The following ZMAT4 variants were observed in gnomAD, a reference collection of about 807,000 sequenced individuals.
ZMAT4 encodes the protein zinc finger matrin-type 4.
Under a neutral mutation model 28.7 loss-of-function variants are expected in ZMAT4, and 17 were observed. The observed-to-expected ratio is 0.59, with a 90% CI of 0.41 to 0.89. The LOEUF is 0.89. Ranked by LOEUF, ZMAT4 falls within the 40% of genes least tolerant of loss-of-function variation. The pLI, the probability that ZMAT4 is intolerant of heterozygous loss-of-function variation, is 0.00. For missense variants in ZMAT4, 240 were observed against 283.8 expected, an observed-to-expected ratio of 0.85 and a Z score of 1.11; for synonymous variants, 117 against 109.2, an observed-to-expected ratio of 1.07 and a Z score of -0.44.
chr8:40,792,963 GCAGAGCACA>G (rs1363125952), intron 2 of ZMAT4, among the ~76,000 whole-genome samples: 3 of 151,840 alleles, frequency 2.0e-5, no homozygotes, highest in Non-Finnish European at 4.4e-5. Context: ...TGGTGAATAG[GCAGAGCACA>G]CAGGATTTTT....
intron 1 of ZMAT4, among the ~76,000 whole-genome samples, chr8:40,852,912 A>G (rs1817163742): frequency 6.6e-6 from 1 of 152,206 alleles, no homozygotes; most frequent in Non-Finnish European, 1.5e-5. Context: ...AAACTTTAAC[A>G]CAATTCTAAT....
chr8:40,837,638 T>G (rs781229804), intron 1 of ZMAT4, among the ~76,000 whole-genome samples: 14 of 152,198 alleles, frequency 9.2e-5, no homozygotes, highest in Non-Finnish European at 1.5e-4. Context: ...CTCTTGTCTC[T>G]CCAGCTCAGC....
intron 5 of ZMAT4, among the ~76,000 whole-genome samples, chr8:40,601,618 GAAA>G (rs1805355740): frequency 3.7e-5 from 1 of 26,828 alleles, no homozygotes; most frequent in Admixed American, 2.8e-4. Context: ...AAGAAAGAAA[GAAA>G]GAAAGAAAGA....
intron 6 of ZMAT4, among the ~76,000 whole-genome samples, chr8:40,540,605 G>A (rs80174014): frequency 0.035 from 5,289 of 152,122 alleles, 302 homozygotes; most frequent in African/African-American, 0.12. Flanking sequence ...TTCCTTCTAG[G>A]TATTAAACCT....
intron 3 of ZMAT4, among the ~76,000 whole-genome samples, chr8:40,732,404 C>T (rs913486746): frequency 2.0e-5 from 3 of 152,088 alleles, no homozygotes; most frequent in African/African-American, 7.2e-5. Context: ...GAGCTGGAGC[C>T]AGCACAATGA....
At chr8:40,786,581 C>A in intron 2 of ZMAT4, 1 of 732,442 alleles carries the variant, frequency 1.4e-6, no homozygotes, top group South Asian at 1.8e-5. Flanking sequence ...AAACAAAGAA[C>A]AGCCAGCATG....
intron 1 of ZMAT4, among the ~76,000 whole-genome samples, chr8:40,881,575 A>AAAG (rs1818264239): frequency 9.4e-6 from 1 of 106,908 alleles, no homozygotes; most frequent in African/African-American, 3.8e-5. Flanking sequence ...AGAAAGAAAG[A>AAAG]AAGAAAGAAA....
chr8:40,801,349 A>ATATATATAT (rs1334146524), intron 2 of ZMAT4, among the ~76,000 whole-genome samples: 8 of 48,764 alleles, frequency 1.6e-4, no homozygotes, highest in African/African-American at 5.2e-4. Flanking sequence ...TTTAAAAAAA[A>ATATATATAT]AAATATATAT....
chr8:40,714,471 G>T (rs1417083988), intron 3 of ZMAT4, among the ~76,000 whole-genome samples: 1 of 152,146 alleles, frequency 6.6e-6, no homozygotes, highest in Non-Finnish European at 1.5e-5. Context: ...TAAAAATCAT[G>T]ATATAGAAAA....
intron 3 of ZMAT4, among the ~76,000 whole-genome samples, chr8:40,749,770 C>A (rs1812382308): frequency 6.6e-6 from 1 of 152,126 alleles, no homozygotes; most frequent in Non-Finnish European, 1.5e-5. Context: ...CAAAGGCGGC[C>A]ACAGGGAGGT....
At chr8:40,651,690 A>C (rs1161808322) in intron 5 of ZMAT4, among the ~76,000 whole-genome samples, 2 of 151,972 alleles carry the variant, frequency 1.3e-5, no homozygotes, top group African/African-American at 4.8e-5. Flanking sequence ...CTACAAGGCT[A>C]CAGTAACCAA....
chr8:40,651,961 C>A (rs1333874252), intron 5 of ZMAT4, among the ~76,000 whole-genome samples: 1 of 110,062 alleles, frequency 9.1e-6, no homozygotes, highest in Non-Finnish European at 2.0e-5. Context: ...AAATGTTAGA[C>A]CTAAAACCAT....
chr8:40,693,961 C>G (rs1809764452), intron 4 of ZMAT4, among the ~76,000 whole-genome samples: 1 of 152,198 alleles, frequency 6.6e-6, no homozygotes, highest in African/African-American at 2.4e-5. Flanking sequence ...ACACAGAAAT[C>G]ACCCCAGTTC....
chr8:40,626,112 G>A (rs1222810802), intron 5 of ZMAT4, among the ~76,000 whole-genome samples: 12 of 128,326 alleles, frequency 9.4e-5, no homozygotes, highest in African/African-American at 2.1e-4. Context: ...CTCTGCCTCA[G>A]AAAAAAAAAA....
At chr8:40,756,768 T>C (rs542321929) in intron 3 of ZMAT4, among the ~76,000 whole-genome samples, 39 of 151,950 alleles carry the variant, frequency 2.6e-4, no homozygotes, top group African/African-American at 9.4e-4. Context: ...AAGATTAGCT[T>C]CCTGTGAGCC....
intron 1 of ZMAT4, among the ~76,000 whole-genome samples, chr8:40,876,787 T>G (rs1818055589): frequency 6.6e-6 from 1 of 152,194 alleles, no homozygotes. Flanking sequence ...AAGTCAAAAT[T>G]TATTCATGTA....
chr8:40,733,756 C>T (rs911268495), intron 3 of ZMAT4, among the ~76,000 whole-genome samples: 5 of 152,056 alleles, frequency 3.3e-5, no homozygotes, highest in African/African-American at 1.2e-4. Context: ...TAGAACAGGT[C>T]TAAATTAGCA....
chr8:40,847,736 G>T (rs549704188), intron 1 of ZMAT4, among the ~76,000 whole-genome samples: 1 of 152,082 alleles, frequency 6.6e-6, no homozygotes, highest in Non-Finnish European at 1.5e-5. Flanking sequence ...GGAAATGAAG[G>T]CACCTGCAGA....
At chr8:40,809,059 C>T (rs1432939008) in intron 2 of ZMAT4, among the ~76,000 whole-genome samples, 2 of 152,080 alleles carry the variant, frequency 1.3e-5, no homozygotes, top group Non-Finnish European at 2.9e-5. Flanking sequence ...ATGGAATCAA[C>T]CTAAGTACCC....
Sources: gnomAD v4.1 joint callset for allele counts (sites outside exome capture counted in the v4.1 genomes callset) on GRCh38, gnomAD v4.1.1 for gene constraint, MANE v1.5 for transcripts, NCBI Gene and HGNC (gene_info 2026-07-23, HGNC 2026-07-21) for gene names.